The following IFNAR1 variants were observed in gnomAD, a reference collection of about 807,000 sequenced individuals.
IFNAR1 encodes the protein interferon alpha and beta receptor subunit 1.
IFNAR1 carries 47 observed loss-of-function variants against 62.1 expected under a neutral mutation model. That is an observed-to-expected ratio of 0.76 (90% CI 0.60 to 0.97). The LOEUF is 0.97. Ranked by LOEUF, IFNAR1 falls within the 50% of genes least tolerant of loss-of-function variation. The pLI is 0.00. For synonymous variants in IFNAR1, 219 were observed against 226.9 expected (o/e 0.97, Z 0.31); for missense variants, 638 against 654.5 (o/e 0.97, Z 0.27).
rs1478498236 is a variant in IFNAR1, at chr21:33,358,847, A to G, written c.*3298A>G. On this transcript the variant is annotated 3_prime_UTR_variant, in exon 11 of 11. Transcript: ENST00000270139. ...GGCCAGACCCCATCTCTATTTATAT[A>G]TATATATATAAAACTTAGAGTTTTT... 1.3e-5 allele frequency: 2 copies of G among 151,908 alleles called. No homozygotes were observed. Among genetic ancestry groups the G allele is most frequent in the South Asian group, 2.1e-4 (1 of 4,822 alleles). 9.4% of individuals were successfully genotyped at this position (151,908 alleles called of 1,614,324 possible).
chr21:33,334,722 A>G, intron 1 of IFNAR1: 2 of 816,472 alleles, frequency 2.4e-6, no homozygotes, highest in Non-Finnish European at 4.3e-6. Context: ...CCCCAGTGTC[A>G]AGTGATGCGC....
At chr21:33,339,833 C>A (rs2083276920) in intron 2 of IFNAR1, among the ~76,000 whole-genome samples, 1 of 146,934 alleles carries the variant, frequency 6.8e-6, no homozygotes, top group Non-Finnish European at 1.5e-5. Flanking sequence ...GAGGCTGAGG[C>A]AGGAGAATTG....
Position 33,334,718 on chromosome 21 carries a change from T to G in IFNAR1, c.77-806T>G, listed in dbSNP as rs1454327167. On this transcript the variant is annotated intron_variant, in intron 1 of 10. Coordinates refer to ENST00000270139, the MANE Select transcript of IFNAR1 (RefSeq NM_000629.3). ...CAGCTGCCACCTTCCCTGACCCCAG[T>G]GTCAAGTGATGCGCAGGGTGATCCA... The G allele has an allele frequency of 1.3e-5, 11 of 815,378 alleles. No individual in the cohort carries two copies. In the Admixed American group the frequency reaches 1.9e-4, roughly 14 times the overall value. The allele number at this position is 815,378 out of a possible 1,614,324, so 50.5% of individuals were successfully genotyped here.
chr21:33,336,004 T>C (rs2083230948), intron 2 of IFNAR1, among the ~76,000 whole-genome samples: 1 of 148,322 alleles, frequency 6.7e-6, no homozygotes, highest in African/African-American at 2.5e-5. Flanking sequence ...ACATGTGCCA[T>C]GCTGGTGCGC....
chr21:33,337,965 G>T (rs34640959), intron 2 of IFNAR1, among the ~76,000 whole-genome samples: 1 of 152,010 alleles, frequency 6.6e-6, no homozygotes, highest in Non-Finnish European at 1.5e-5. Context: ...AATTATTTCA[G>T]ATACCCTTAT....
intron 3 of IFNAR1, among the ~76,000 whole-genome samples, chr21:33,343,044 A>G (rs918761175): frequency 1.3e-5 from 2 of 152,214 alleles, no homozygotes; most frequent in East Asian, 1.9e-4. Context: ...TGATCGCTTC[A>G]TCTTCCCAAC....
intron 3 of IFNAR1, among the ~76,000 whole-genome samples, chr21:33,341,730 G>A (rs911655201): frequency 4.6e-5 from 7 of 151,718 alleles, no homozygotes; most frequent in Non-Finnish European, 8.8e-5. Flanking sequence ...TGCCCAGGCT[G>A]GAGTGCAATG....
intron 6 of IFNAR1, among the ~76,000 whole-genome samples, chr21:33,347,390 A>G (rs1039374130): frequency 1.3e-5 from 2 of 152,104 alleles, no homozygotes; most frequent in African/African-American, 4.8e-5. Context: ...TCAGCCTCCC[A>G]AAGTTCTGGG....
chr21:33,329,816 A>G (rs1391055977), intron 1 of IFNAR1, among the ~76,000 whole-genome samples: 2 of 152,230 alleles, frequency 1.3e-5, no homozygotes, highest in Non-Finnish European at 2.9e-5. Context: ...TCTGCCCTTA[A>G]GGAACTTGCA....
At chr21:33,331,080 A>C (rs576636043) in intron 1 of IFNAR1, among the ~76,000 whole-genome samples, 1 of 152,170 alleles carries the variant, frequency 6.6e-6, no homozygotes, top group Non-Finnish European at 1.5e-5. Context: ...CATCTGAACC[A>C]CGCCAGGCTG....
At chr21:33,341,197 A>G (rs1295195785) in intron 3 of IFNAR1, 23 bp downstream of exon 3, 1 of 1,569,678 alleles carries the variant, frequency 6.4e-7, no homozygotes, top group Admixed American at 1.8e-5. Context: ...TGCTAGCTGA[A>G]TTATATTCTT....
intron 1 of IFNAR1, among the ~76,000 whole-genome samples, chr21:33,333,996 G>A (rs956791921): frequency 2.6e-5 from 4 of 152,048 alleles, no homozygotes; most frequent in Non-Finnish European, 5.9e-5. Flanking sequence ...GTTATTCCAA[G>A]CAAATGGAAA....
intron 8 of IFNAR1, 140 bp downstream of exon 8, chr21:33,349,683 A>G: frequency 1.6e-6 from 1 of 623,570 alleles, no homozygotes; most frequent in Non-Finnish European, 2.7e-6. Context: ...CCAGCACTTC[A>G]GGAGGCCAAG....
chr21:33,335,650 A>G lies in IFNAR1; in HGVS notation c.200+3A>G. 6.5e-7 allele frequency: 1 copy of G among 1,547,674 alleles called. No individual in the cohort carries two copies. On this transcript the variant is annotated splice_donor_region_variant and intron_variant, in intron 2 of 10. Coordinates refer to ENST00000270139, the MANE Select transcript of IFNAR1 (RefSeq NM_000629.3). ...ACTTTTTCATTCGATTATCAAAAGT[A>G]TGTGACTCTACTTACTGATTTGTCA...
chr21:33,331,311 G>A (rs1568925681), intron 1 of IFNAR1, among the ~76,000 whole-genome samples: 1 of 152,060 alleles, frequency 6.6e-6, no homozygotes, highest in Non-Finnish European at 1.5e-5. Context: ...GGGAAACAGG[G>A]CCTGAACCAC....
chr21:33,339,957 T>G (rs1389861012), intron 2 of IFNAR1, among the ~76,000 whole-genome samples: 1 of 148,598 alleles, frequency 6.7e-6, no homozygotes, highest in Non-Finnish European at 1.5e-5. Flanking sequence ...AAAAGAAATC[T>G]GCTAAGTTCG....
In IFNAR1 at chr21:33,343,560, G is replaced by C; in HGVS notation, c.557G>C (p.Arg186Thr). 6.5e-7 allele frequency: 1 copy of C among 1,548,166 alleles called. No individual in the cohort carries two copies. The change falls in exon 5 of 11, where the codon AGA (arginine) becomes ACA (threonine). Residue 186 changes from arginine (R) to threonine (T), a missense_variant. Transcript: ENST00000270139. Reference protein sequence around the residue: ...VEERIENIYSRHKIYKLSPET... With the variant: ...VEERIENIYSTHKIYKLSPET... ...GAAAGGATTGAAAATATTTATTCCA[G>C]ACATAAAATTTATAAACTCTCACCA...
chr21:33,345,292 A>G lies in IFNAR1; in HGVS notation c.720A>G (p.Gln240=), dbSNP rs368371538. ...CAGAAAATATAGAAGTCAGTGTCCA[A>G]AATCAGAACTATGTTCTTAAATGGG... The part of the protein sequence containing the change: ...PPPENIEVSV[Q]NQNYVLKWDY... The change falls in exon 6 of 11, where the codon CAA becomes CAG. Residue 240 remains glutamine, a synonymous_variant. Transcript: ENST00000270139. 6.2e-6 allele frequency: 10 copies of G among 1,607,808 alleles called. No individual in the cohort carries two copies. The highest frequency in any genetic ancestry group is 7.7e-6 in the Non-Finnish European group (9 of 1,175,086).
Position 33,343,630 on chromosome 21 carries a change from A to C in IFNAR1, c.627A>C (p.Ser209=). Reference sequence around the variant, plus strand: ...AAGTTAAAGCAGCACTACTTACGTCATGGAAAATTGGTGTCTATAGTCCAG... The same window carrying C: ...AAGTTAAAGCAGCACTACTTACGTCCTGGAAAATTGGTGTCTATAGTCCAG... ...CLKVKAALLT[S]WKIGVYSPVH... is the part of the protein sequence containing the mutation. Residue 209 remains serine (S), a synonymous_variant, in exon 5 of 11, where the codon TCA becomes TCC. Transcript: ENST00000270139. 6.2e-7 allele frequency: 1 copy of C among 1,609,108 alleles called. No homozygotes were observed. Among genetic ancestry groups the C allele is most frequent in the Non-Finnish European group, 8.5e-7 (1 of 1,175,690 alleles).
Sources: allele counts gnomAD v4.1 joint callset (sites outside exome capture counted in the v4.1 genomes callset), GRCh38; gene constraint gnomAD v4.1.1; transcripts MANE v1.5; gene names NCBI Gene and HGNC (gene_info 2026-07-23, HGNC 2026-07-21).